The following MYO15A variants were observed in gnomAD, a reference collection of about 807,000 sequenced individuals.
The protein encoded by MYO15A is unconventional myosin-XV.
MYO15A carries 308 observed loss-of-function variants against 394.6 expected under a neutral mutation model. The ratio of observed to expected loss-of-function variants is 0.78; its 90% CI spans 0.71 to 0.86. The LOEUF is 0.86. Among genes scored for constraint, MYO15A ranks in the 40% least tolerant of loss-of-function variants. The pLI, the probability that MYO15A is intolerant of heterozygous loss-of-function variation, is 0.00. For synonymous variants in MYO15A, 1,957 were observed against 2,003.8 expected (o/e 0.98, Z 0.62); for missense variants, 4,606 against 4,799.1 (o/e 0.96, Z 1.19).
At chr17:18,143,367 T>C (rs2046415895) in intron 25 of MYO15A, among the ~76,000 whole-genome samples, 199 bp from the exon 26 acceptor site, 2 of 152,164 alleles carry the variant, frequency 1.3e-5, no homozygotes, top group Non-Finnish European at 2.9e-5. Flanking sequence ...TCTCTTGCTC[T>C]CTCCTTTTCC....
rs891430744 is a variant in MYO15A, at chr17:18,179,101, A to G, written c.*231A>G. On this transcript the variant is annotated 3_prime_UTR_variant, in exon 66 of 66. Transcript: ENST00000647165. ...GATCAGATAGCAGGAGGAACTTTCA[A>G]AAGTCTGGCCCACTGTGCAGTGGAG... is the stretch of plus-strand genomic sequence containing the variant. 1 of 605,130 alleles carries G rather than the reference A, an allele frequency of 1.7e-6. No individual in the cohort carries two copies. The highest frequency in any genetic ancestry group is 3.0e-6 in the Non-Finnish European group (1 of 337,242). 37.5% of individuals were successfully genotyped at this position (605,130 alleles called of 1,614,324 possible). A position where few individuals can be genotyped will look rare whatever the true frequency, so the allele number is the denominator to read the frequency against.
In MYO15A at chr17:18,137,803, G is replaced by T. The variant is rs145026180; in HGVS notation, c.4875+124G>T. 6.5e-4 allele frequency: 755 copies of T among 1,159,956 alleles called. 4 individuals are homozygous for T. The African/African-American group carries it at 9.0e-3, about 14-fold the overall frequency. The allele number at this position is 1,159,956 out of a possible 1,614,324, so 71.9% of individuals were successfully genotyped here. The stretch of plus-strand genomic sequence containing the variant: ...GACATCAGTAGACAGTAGAGGGAAA[G>T]GCATTCTAAGCTGGGGACCAGCCCA... On this transcript the variant is annotated intron_variant, in intron 16 of 65. Transcript: ENST00000647165.
Position 18,139,571 on chromosome 17 carries a change from G to T in MYO15A, c.5171G>T (p.Arg1724Leu). 9 of 1,614,062 alleles carry T rather than the reference G, an allele frequency of 5.6e-6. No homozygotes were observed. Among genetic ancestry groups the T allele is most frequent in the Non-Finnish European group, 7.6e-6 (9 of 1,179,996 alleles). Residue 1724 changes from arginine to leucine, a missense_variant, in exon 19 of 66, where the codon CGC becomes CTC. Physicochemically the swap from Arg to Leu is moderately radical, Grantham distance 102. Transcript: ENST00000647165. ...KFLDKNHDQV[R>L]QDVLDLFVRS... ...CTGGACAAGAACCACGACCAAGTGC[G>T]CCAGGATGTGCTGGACCTGTTCGTA... is the stretch of plus-strand genomic sequence containing the variant.
chr17:18,164,535 C>T (rs201316319), intron 60 of MYO15A: 1 of 154,290 alleles, frequency 6.5e-6, no homozygotes, highest in East Asian at 1.9e-4. Context: ...TGCTGTGCCC[C>T]AGGTATAATT....
intron 64 of MYO15A, 136 bp downstream of exon 64, chr17:18,172,426 T>G: frequency 2.3e-5 from 30 of 1,290,824 alleles, no homozygotes; most frequent in Non-Finnish European, 3.2e-5. Context: ...GGCAAGTCTC[T>G]TCCCTCCTCT....
chr17:18,133,538 T>G, intron 12 of MYO15A, 152 bp downstream of exon 12: 1 of 1,033,302 alleles, frequency 9.7e-7, no homozygotes, highest in Non-Finnish European at 1.4e-6. Flanking sequence ...TTCATCTTTT[T>G]CCTCCTTATA....
At chr17:18,137,790 C>A in intron 16 of MYO15A, 111 bp downstream of exon 16, 1 of 1,235,968 alleles carries the variant, frequency 8.1e-7, no homozygotes, top group Non-Finnish European at 1.2e-6. Context: ...CATCAGTAGA[C>A]AGTAGAGGGA....
chr17:18,166,746 T>C (rs1294681729), intron 61 of MYO15A, among the ~76,000 whole-genome samples: 1 of 152,348 alleles, frequency 6.6e-6, no homozygotes, highest in East Asian at 1.9e-4. Context: ...CTGTGCTTCC[T>C]GACTTATTTA....
At position 18,117,907 on chromosome 17, in the gene MYO15A, A is replaced by G. The variant is rs2045813156; in HGVS notation, c.-219-675A>G. ...GTCTTGCTTCCTTTTGGTGAAGGAG[A>G]TGGGGCATAGCTTATCACTCCCATT... On this transcript the variant is annotated intron_variant, in intron 1 of 65. Coordinates refer to ENST00000647165, the MANE Select transcript of MYO15A (RefSeq NM_016239.4). This position sits in a 1 kb window ranked among gnomAD's most constrained non-coding sequence, Gnocchi z 4.1. Among the ~76,000 whole-genome samples the G allele has an allele frequency of 6.6e-6, 1 of 152,088 alleles. No individual in the cohort carries two copies. Among genetic ancestry groups the G allele is most frequent in the African/African-American group, 2.4e-5 (1 of 41,396 alleles).
chr17:18,124,983 G>T, intron 3 of MYO15A, 185 bp from the exon 4 acceptor site: 1 of 659,468 alleles, frequency 1.5e-6, no homozygotes, highest in Non-Finnish European at 2.7e-6. Flanking sequence ...CATACCCATT[G>T]GACAAATGAA....
Position 18,153,755 on chromosome 17 carries a change from C to G in MYO15A, c.7967-20C>G. The G allele has an allele frequency of 3.1e-6, 5 of 1,613,044 alleles. No individual in the cohort carries two copies. Among genetic ancestry groups the G allele is most frequent in the Non-Finnish European group, 4.2e-6 (5 of 1,179,836 alleles). ...AAACGAGGTGCCTTCTCCTGACTCC[C>G]TGATCCCCGCGCTCTCCAGCTCTGC... On this transcript the variant is annotated intron_variant, in intron 42 of 65. Transcript: ENST00000647165. The surrounding 1 kb of genome is among the most constrained non-coding windows in gnomAD (Gnocchi z 4.1).
At position 18,155,093 on chromosome 17, in the gene MYO15A, G is replaced by C. The variant is rs1382804824; in HGVS notation, c.8225-17G>C. On this transcript the variant is annotated splice_polypyrimidine_tract_variant and intron_variant, in intron 45 of 65. Transcript: ENST00000647165. ...GGGAGTGGGGAGAGGGTCCTGACCAGACCTGGCCTCCCATAGCCCAGAACC... is the reference window on the plus strand; with the variant it reads ...GGGAGTGGGGAGAGGGTCCTGACCACACCTGGCCTCCCATAGCCCAGAACC... 3.1e-6 allele frequency: 5 copies of C among 1,608,716 alleles called. No homozygotes were observed. The highest frequency in any genetic ancestry group is 4.2e-6 in the Non-Finnish European group (5 of 1,177,522).
intron 56 of MYO15A, among the ~76,000 whole-genome samples, chr17:18,160,550 A>G (rs2142396936): frequency 6.6e-6 from 1 of 152,334 alleles, no homozygotes. Context: ...CCAGCCTTAC[A>G]GGCCTGAGTT....
chr17:18,121,630 C>T lies in MYO15A; in HGVS notation c.2830C>T (p.Pro944Ser), dbSNP rs1259088949. ...CACCCAACGCCCACCCTCCCCCTGG[C>T]CAGGAGGTGCAGGCAGCCGCCGAGG... ...PPTQRPPSPW[P>S]GGAGSRRGFS... Residue 944 changes from proline to serine, a missense_variant, in exon 2 of 66, where the codon CCA becomes TCA. Physicochemically the swap from Pro to Ser is moderately conservative, Grantham distance 74 (BLOSUM62 -1). Around this residue, in one of 2 missense-constraint regions of MYO15A, gnomAD observed 1,830 missense variants for 1,689.7 expected, o/e 1.08. Transcript: ENST00000647165. This position sits in a 1 kb window ranked among gnomAD's most constrained non-coding sequence, Gnocchi z 5.3. 5.2e-6 allele frequency: 7 copies of T among 1,340,212 alleles called. No homozygotes were observed. Among genetic ancestry groups the T allele is most frequent in the South Asian group, 2.3e-5 (2 of 85,882 alleles). The allele number at this position is 1,340,212 out of a possible 1,614,324, so 83.0% of individuals were successfully genotyped here.
Position 18,148,415 on chromosome 17 carries a change from G to A in MYO15A, c.6692-81G>A. 1 of 1,522,580 alleles carries A rather than the reference G, an allele frequency of 6.6e-7. No individual in the cohort carries two copies. Among genetic ancestry groups the A allele is most frequent in the Non-Finnish European group, 8.9e-7 (1 of 1,123,046 alleles). The allele number at this position is 1,522,580 out of a possible 1,614,324, so 94.3% of individuals were successfully genotyped here. On this transcript the variant is annotated intron_variant, in intron 31 of 65. Coordinates refer to ENST00000647165, the MANE Select transcript of MYO15A (RefSeq NM_016239.4). This position sits in a 1 kb window ranked among gnomAD's most constrained non-coding sequence, Gnocchi z 4.8. ...GTGAGGCTACAGATACAGGAAGCCTGAAAGGAAGAAGCAAGCAGGGAGGCA... is the reference window on the plus strand; with the variant it reads ...GTGAGGCTACAGATACAGGAAGCCTAAAAGGAAGAAGCAAGCAGGGAGGCA...
At chr17:18,112,032 T>C (rs1195223657) in intron 1 of MYO15A, among the ~76,000 whole-genome samples, 1 of 152,198 alleles carries the variant, frequency 6.6e-6, no homozygotes. Flanking sequence ...GGCTTTGCAG[T>C]GGAAAGATGC....
rs1194444574 is a variant in MYO15A, at chr17:18,148,710, G to T, written c.6765-51G>T. On this transcript the variant is annotated intron_variant, in intron 32 of 65. Transcript: ENST00000647165. This position sits in a 1 kb window ranked among gnomAD's most constrained non-coding sequence, Gnocchi z 4.8. ...TTATAACCCAGGATCTCCCCAGGTA[G>T]TGCCTGATGACTCTGTCCCTCATTT... 1 of 1,557,766 alleles carries T rather than the reference G, an allele frequency of 6.4e-7. No individual in the cohort carries two copies.
rs2046613749 is a variant in MYO15A at position 18,153,226 on chromosome 17, A to AC, written c.7967-545dup. Among the ~76,000 whole-genome samples, 1 of 151,194 alleles carries AC rather than the reference A, an allele frequency of 6.6e-6. No individual in the cohort carries two copies. Among genetic ancestry groups the AC allele is most frequent in the African/African-American group, 2.4e-5 (1 of 41,026 alleles). ...AGACCATCCTGGCCAATATGGTGAAACCCCTTCTCTGCTAAAAACACAAAA... is the reference window on the plus strand; with the variant it reads ...AGACCATCCTGGCCAATATGGTGAAACCCCCTTCTCTGCTAAAAACACAAAA... On this transcript the variant is annotated intron_variant, in intron 42 of 65. Coordinates refer to ENST00000647165, the MANE Select transcript of MYO15A (RefSeq NM_016239.4). The surrounding 1 kb of genome is among the most constrained non-coding windows in gnomAD (Gnocchi z 4.1).
chr17:18,125,281 G>A (rs1438107848), intron 4 of MYO15A, 50 bp downstream of exon 4: 1 of 1,562,152 alleles, frequency 6.4e-7, no homozygotes. Flanking sequence ...GAAGGCAGCT[G>A]CCTCCTGGGG....
Sources: allele counts gnomAD v4.1 joint callset (sites outside exome capture counted in the v4.1 genomes callset), GRCh38; gene constraint gnomAD v4.1.1; regional missense constraint gnomAD v4.1.1; non-coding constraint Gnocchi (gnomAD v3.1); transcripts MANE v1.5; gene names NCBI Gene and HGNC (gene_info 2026-07-23, HGNC 2026-07-21).